Variants in GRIN2B observed in about 807,000 individuals in gnomAD.
The protein encoded by GRIN2B is glutamate ionotropic receptor NMDA type subunit 2B.
In GRIN2B, 5 loss-of-function variants were observed where a neutral mutation model predicts 114.5. The ratio of observed to expected loss-of-function variants is 0.04; its 90% CI spans 0.02 to 0.09. The LOEUF is 0.09. GRIN2B is among the 10% of genes least tolerant of loss of function. The pLI is 1.00. For synonymous variants in GRIN2B, 787 were observed against 745.1 expected, an observed-to-expected ratio of 1.06 and a Z score of -0.92; for missense variants, 1,108 against 1,943.5, an observed-to-expected ratio of 0.57 and a Z score of 8.08.
intron 2 of GRIN2B, among the ~76,000 whole-genome samples, chr12:13,937,378 G>T (rs1867148040): frequency 6.6e-6 from 1 of 151,828 alleles, no homozygotes; most frequent in African/African-American, 2.4e-5. Context: ...TGAAGACCTG[G>T]CTAAAGAGAC....
At chr12:13,746,033 AT>A (rs1419313482) in intron 4 of GRIN2B, among the ~76,000 whole-genome samples, 5 of 151,912 alleles carry the variant, frequency 3.3e-5, no homozygotes, top group African/African-American at 4.9e-5. Flanking sequence ...GACAAAAAAA[AT>A]TTTTTAAATA....
chr12:13,866,024 A>G lies in GRIN2B; in HGVS notation c.185T>C (p.Leu62Pro), dbSNP rs769987851. 3 of 1,613,628 alleles carry G rather than the reference A, an allele frequency of 1.9e-6. No homozygotes were observed. Among genetic ancestry groups the G allele is most frequent in the African/African-American group, 2.7e-5 (2 of 74,778 alleles). ...DAHEKDDFHH[L>P]SVVPRVELVA... The stretch of plus-strand genomic sequence containing the variant: ...CAGTTCCACCCGGGGTACCACGGAG[A>G]GATGGTGGAAATCATCTTTCTCGTG... Residue 62 changes from leucine to proline, a missense_variant, in exon 3 of 14, where the codon CTC (leucine) becomes CCC (proline). Leu to Pro is a moderately conservative substitution (Grantham distance 98, BLOSUM62 -3). This residue lies in a region of GRIN2B where 199 missense variants were observed against 439.6 expected (regional missense o/e 0.45). Transcript: ENST00000609686.
intron 3 of GRIN2B, among the ~76,000 whole-genome samples, chr12:13,791,156 A>G (rs2136664698): frequency 6.6e-6 from 1 of 152,218 alleles, no homozygotes; most frequent in East Asian, 1.9e-4. Context: ...TATGTTTATG[A>G]CAGCAGGGTT....
At position 13,753,182 on chromosome 12, in the gene GRIN2B, T is replaced by C. The variant is rs188802959; in HGVS notation, c.1010+135A>G. 1.8e-3 allele frequency: 1,349 copies of C among 766,864 alleles called. 1 individual carries two copies. Among genetic ancestry groups the C allele is most frequent in the Non-Finnish European group, 2.8e-3 (1,156 of 420,122 alleles). The allele number at this position is 766,864 out of a possible 1,614,324, so 47.5% of individuals were successfully genotyped here. A position where few individuals can be genotyped will look rare whatever the true frequency, so the allele number is the denominator to read the frequency against. ...AAAACACTCCCCCAATCATGACCAA[T>C]TGCCATGCCCAAGGCCAGGCTTCAA... On this transcript the variant is annotated intron_variant, in intron 4 of 13. Coordinates refer to ENST00000609686, the MANE Select transcript of GRIN2B (RefSeq NM_000834.5). The surrounding 1 kb of genome is among the most constrained non-coding windows in gnomAD (Gnocchi z 6.2).
intron 3 of GRIN2B, among the ~76,000 whole-genome samples, chr12:13,864,096 A>G (rs1865787962): frequency 6.6e-6 from 1 of 152,202 alleles, no homozygotes; most frequent in Admixed American, 6.5e-5. Context: ...TTCCCTTAGC[A>G]TGGGCTATTT....
chr12:13,908,098 C>T (rs1866573526), intron 2 of GRIN2B, among the ~76,000 whole-genome samples: 1 of 152,180 alleles, frequency 6.6e-6, no homozygotes, highest in African/African-American at 2.4e-5. Flanking sequence ...GCACTGTATA[C>T]TTTTTCCTAA....
intron 8 of GRIN2B, among the ~76,000 whole-genome samples, chr12:13,612,400 T>C (rs941471334): frequency 2.6e-5 from 4 of 152,240 alleles, no homozygotes; most frequent in African/African-American, 4.8e-5. Context: ...CTAGCCTAGA[T>C]TCACTTTTTC....
intron 2 of GRIN2B, among the ~76,000 whole-genome samples, chr12:13,923,393 G>A (rs1433378537): frequency 6.6e-6 from 1 of 152,170 alleles, no homozygotes; most frequent in African/African-American, 2.4e-5. Flanking sequence ...TAGAACTAAG[G>A]TGAAGGCAGA....
chr12:13,788,349 T>C (rs1864255808), intron 3 of GRIN2B, among the ~76,000 whole-genome samples: 1 of 152,196 alleles, frequency 6.6e-6, no homozygotes, highest in South Asian at 2.1e-4. Context: ...AATATAACCA[T>C]TAAAATAACA....
intron 10 of GRIN2B, among the ~76,000 whole-genome samples, chr12:13,594,976 C>T (rs899342487): frequency 2.0e-5 from 3 of 152,210 alleles, no homozygotes; most frequent in Non-Finnish European, 4.4e-5. Context: ...CATAAACTGT[C>T]TGGCTCACAC....
At chr12:13,830,871 G>T (rs1865132409) in intron 3 of GRIN2B, among the ~76,000 whole-genome samples, 1 of 152,176 alleles carries the variant, frequency 6.6e-6, no homozygotes, top group South Asian at 2.1e-4. Context: ...CTTATCACAG[G>T]TACATATGGA....
intron 2 of GRIN2B, among the ~76,000 whole-genome samples, chr12:13,902,885 G>C (rs950774371): frequency 1.3e-5 from 2 of 151,924 alleles, no homozygotes; most frequent in Admixed American, 1.3e-4. Context: ...ACTAAGCCTG[G>C]CACACTTTTT....
chr12:13,543,097 C>T lies in GRIN2B; in HGVS notation c.*19686G>A, dbSNP rs1444982443. On this transcript the variant is annotated 3_prime_UTR_variant, in exon 14 of 14. Coordinates refer to ENST00000609686, the MANE Select transcript of GRIN2B (RefSeq NM_000834.5). The stretch of plus-strand genomic sequence containing the variant: ...CTCATTCCTGTCATAATTTACATTC[C>T]TATCATATGGAAGTCAACATTTTGT... 6.6e-6 allele frequency: 1 copy of T among 152,138 alleles called. No homozygotes were observed. The highest frequency in any genetic ancestry group is 1.5e-5 in the Non-Finnish European group (1 of 68,036). The allele number at this position is 152,138 out of a possible 1,614,324, so 9.4% of individuals were successfully genotyped here. A position where few individuals can be genotyped will look rare whatever the true frequency, so the allele number is the denominator to read the frequency against.
At chr12:13,750,299 C>G (rs1863460102) in intron 4 of GRIN2B, among the ~76,000 whole-genome samples, 1 of 152,272 alleles carries the variant, frequency 6.6e-6, no homozygotes, top group East Asian at 1.9e-4. Flanking sequence ...TCTCAGGCCT[C>G]AGAGAGATGG....
At chr12:13,653,136 G>T (rs1949832735) in intron 5 of GRIN2B, among the ~76,000 whole-genome samples, 1 of 152,078 alleles carries the variant, frequency 6.6e-6, no homozygotes, top group Non-Finnish European at 1.5e-5. Flanking sequence ...AAGAAGAGAT[G>T]GTAGATCAAA....
intron 2 of GRIN2B, among the ~76,000 whole-genome samples, chr12:13,952,519 G>A (rs12827844): frequency 0.3 from 45,104 of 151,980 alleles, 7,440 homozygotes; most frequent in Middle Eastern, 0.39. Context: ...CTCTCCTCCT[G>A]TGTTTCCTCT....
intron 4 of GRIN2B, among the ~76,000 whole-genome samples, chr12:13,741,359 T>C (rs1052345168): frequency 6.6e-6 from 1 of 152,114 alleles, no homozygotes; most frequent in African/African-American, 2.4e-5. Flanking sequence ...AACCACCCTG[T>C]CCCACAGGTT....
At chr12:13,871,721 C>CAA (rs60305175) in intron 2 of GRIN2B, among the ~76,000 whole-genome samples, 16 of 122,806 alleles carry the variant, frequency 1.3e-4, no homozygotes, top group African/African-American at 3.5e-4. Flanking sequence ...CAAGATGAAT[C>CAA]AAAAAAAAAA....
At chr12:13,782,311 T>C (rs1197815926) in intron 3 of GRIN2B, among the ~76,000 whole-genome samples, 2 of 151,924 alleles carry the variant, frequency 1.3e-5, no homozygotes, top group African/African-American at 4.8e-5. Flanking sequence ...TCTCTCTCTC[T>C]CCCCGCTCCC....
Sources: gnomAD v4.1 joint callset for allele counts (sites outside exome capture counted in the v4.1 genomes callset) on GRCh38, gnomAD v4.1.1 for gene constraint, gnomAD v4.1.1 regional missense constraint, Gnocchi (gnomAD v3.1) non-coding constraint, MANE v1.5 for transcripts, NCBI Gene and HGNC (gene_info 2026-07-23, HGNC 2026-07-21) for gene names.